The following TPGS2 variants were observed in gnomAD, a reference collection of about 807,000 sequenced individuals.
TPGS2 encodes tubulin polyglutamylase complex subunit 2.
A neutral mutation model predicts 31.1 loss-of-function variants in TPGS2; 26 were observed. That is an observed-to-expected ratio of 0.84 (90% confidence interval 0.61 to 1.16). The LOEUF is 1.16. TPGS2 is among the 50% of genes most tolerant of loss of function. TPGS2 has a pLI of 0.00. For missense variants in TPGS2, 351 were observed against 363.8 expected (o/e 0.96, Z 0.29); for synonymous variants, 130 against 136.6 (o/e 0.95, Z 0.34).
chr18:36,797,659 C>T (rs1017838668), intron 6 of TPGS2, among the ~76,000 whole-genome samples: 5 of 149,746 alleles, frequency 3.3e-5, no homozygotes, highest in African/African-American at 9.9e-5. Flanking sequence ...TGAATACATA[C>T]ACAGTAAGGT....
intron 6 of TPGS2, among the ~76,000 whole-genome samples, chr18:36,786,007 G>A (rs780310118): frequency 5.9e-5 from 9 of 151,984 alleles, no homozygotes; most frequent in South Asian, 2.1e-4. Context: ...CTGAAAAAAC[G>A]TGTTACATAT....
At chr18:36,806,640 C>A (rs2045147610) in intron 3 of TPGS2, among the ~76,000 whole-genome samples, 1 of 151,900 alleles carries the variant, frequency 6.6e-6, no homozygotes, top group Non-Finnish European at 1.5e-5. Context: ...ATCATGAGGT[C>A]AGGAGTTCAA....
intron 6 of TPGS2, among the ~76,000 whole-genome samples, chr18:36,784,038 G>C (rs2150518385): frequency 6.6e-6 from 1 of 152,266 alleles, no homozygotes; most frequent in South Asian, 2.1e-4. Flanking sequence ...CAGCCACCAA[G>C]AGCTGTAAAA....
At chr18:36,804,271 G>A (rs752760630) in intron 4 of TPGS2, among the ~76,000 whole-genome samples, 11 of 152,188 alleles carry the variant, frequency 7.2e-5, no homozygotes, top group South Asian at 2.1e-4. Context: ...AGCAGGTGTC[G>A]GAAGGCCAAG....
chr18:36,784,217 C>CT (rs2044079577), intron 6 of TPGS2, among the ~76,000 whole-genome samples: 10 of 152,240 alleles, frequency 6.6e-5, no homozygotes, highest in Admixed American at 6.5e-4. Context: ...ACGGTATCCT[C>CT]TAAGAAATGA....
At chr18:36,823,844 G>C (rs1313038817) in intron 1 of TPGS2, 2 of 985,322 alleles carry the variant, frequency 2.0e-6, no homozygotes, top group Non-Finnish European at 2.4e-6. Flanking sequence ...ACATAATCAA[G>C]GTGTGGTATC....
At chr18:36,789,243 T>C (rs1239932345), downstream of TPGS2, 2 of 152,226 alleles carry the variant, frequency 1.3e-5, no homozygotes, top group African/African-American at 4.8e-5. Context: ...CCTTATTCTT[T>C]GTTGACTATA....
Sources: gnomAD v4.1 joint callset for allele counts (sites outside exome capture counted in the v4.1 genomes callset) on GRCh38, gnomAD v4.1.1 for gene constraint, MANE v1.5 for transcripts, NCBI Gene and HGNC (gene_info 2026-07-23, HGNC 2026-07-21) for gene names.